The following FOCAD variants were observed in gnomAD, a reference collection of about 807,000 sequenced individuals.
FOCAD encodes the protein focadhesin.
FOCAD carries 198 observed loss-of-function variants against 225.6 expected under a neutral mutation model. That is an observed-to-expected ratio of 0.88 (90% CI 0.78 to 0.99). The LOEUF (loss-of-function observed/expected upper bound fraction) is 0.99. FOCAD is among the 50% of genes least tolerant of loss of function. The pLI is 0.00. For missense variants in FOCAD, 2,713 were observed against 2,123.6 expected (o/e 1.28, Z -5.46); for synonymous variants, 897 against 755.0 (o/e 1.19, Z -3.08).
intron 35 of FOCAD, among the ~76,000 whole-genome samples, chr9:20,971,525 C>T (rs1261427282): frequency 1.3e-5 from 2 of 151,942 alleles, no homozygotes; most frequent in Admixed American, 6.6e-5. Context: ...CCATAACCTT[C>T]ACCTCCCGGG....
chr9:20,760,047 T>C (rs745631403), intron 6 of FOCAD, among the ~76,000 whole-genome samples: 1 of 152,216 alleles, frequency 6.6e-6, no homozygotes, highest in Non-Finnish European at 1.5e-5. Flanking sequence ...AGGGCCTCAA[T>C]ATCTCTTGAT....
chr9:20,783,066 A>G (rs554704337), intron 10 of FOCAD, among the ~76,000 whole-genome samples: 1 of 152,276 alleles, frequency 6.6e-6, no homozygotes, highest in African/African-American at 2.4e-5. Flanking sequence ...CAATGATTGG[A>G]TCTTGAATGG....
intron 11 of FOCAD, among the ~76,000 whole-genome samples, chr9:20,793,370 A>G (rs768942317): frequency 1.3e-5 from 2 of 152,126 alleles, no homozygotes; most frequent in Non-Finnish European, 2.9e-5. Flanking sequence ...CTGGCATTTG[A>G]TCCCTTTTGT....
At chr9:20,818,486 A>G (rs998233523) in intron 11 of FOCAD, among the ~76,000 whole-genome samples, 1 of 152,108 alleles carries the variant, frequency 6.6e-6, no homozygotes, top group Non-Finnish European at 1.5e-5. Flanking sequence ...TAAGAGTGTT[A>G]TAGTTTTAGC....
chr9:20,705,883 T>C (rs1400323839), intron 1 of FOCAD, among the ~76,000 whole-genome samples: 1 of 150,998 alleles, frequency 6.6e-6, no homozygotes, highest in Non-Finnish European at 1.5e-5. Context: ...ACAGAATAAT[T>C]AGAGAAAATT....
intron 1 of FOCAD, among the ~76,000 whole-genome samples, chr9:20,685,298 A>G (rs1183351144): frequency 6.6e-6 from 1 of 151,608 alleles, no homozygotes; most frequent in African/African-American, 2.4e-5. Flanking sequence ...TCCAGGTTTC[A>G]GTGGCCTATC....
chr9:20,881,565 T>C (rs1288328504), intron 19 of FOCAD, among the ~76,000 whole-genome samples: 6 of 152,054 alleles, frequency 3.9e-5, no homozygotes, highest in Non-Finnish European at 8.8e-5. Flanking sequence ...AGTAGATAAA[T>C]AGCAGTGAAA....
chr9:20,931,940 T>A (rs1436836634), intron 27 of FOCAD, among the ~76,000 whole-genome samples: 1 of 149,228 alleles, frequency 6.7e-6, no homozygotes, highest in Non-Finnish European at 1.5e-5. Flanking sequence ...ATTATGAAAA[T>A]CATTTCAATT....
intron 6 of FOCAD, among the ~76,000 whole-genome samples, chr9:20,763,379 C>T (rs372213919): frequency 3.9e-5 from 6 of 152,208 alleles, no homozygotes; most frequent in African/African-American, 1.4e-4. Flanking sequence ...TTGCTTGAGC[C>T]TAGAAATTCA....
intron 4 of FOCAD, among the ~76,000 whole-genome samples, chr9:20,735,896 TC>T (rs1827120530): frequency 6.6e-6 from 1 of 151,974 alleles, no homozygotes; most frequent in African/African-American, 2.4e-5. Flanking sequence ...ATAAAATCAC[TC>T]TTTCAAAGTA....
chr9:20,794,930 A>G (rs1437303290), intron 11 of FOCAD, among the ~76,000 whole-genome samples: 1 of 152,232 alleles, frequency 6.6e-6, no homozygotes, highest in African/African-American at 2.4e-5. Context: ...TCTTACTCTC[A>G]AGAATATATT....
At chr9:20,869,711 C>T (rs1196595018) in intron 18 of FOCAD, among the ~76,000 whole-genome samples, 1 of 152,092 alleles carries the variant, frequency 6.6e-6, no homozygotes. Context: ...AGGTGATGGA[C>T]ATGTAATACT....
At chr9:20,841,849 T>C (rs1826562841) in intron 15 of FOCAD, among the ~76,000 whole-genome samples, 1 of 151,920 alleles carries the variant, frequency 6.6e-6, no homozygotes, top group Non-Finnish European at 1.5e-5. Context: ...TTAACCTGTT[T>C]ATTTGATGTT....
chr9:20,907,660 T>C (rs1436508036), intron 22 of FOCAD, among the ~76,000 whole-genome samples: 1 of 152,080 alleles, frequency 6.6e-6, no homozygotes, highest in Middle Eastern at 3.2e-3. Flanking sequence ...TCTTGTTAAA[T>C]TTCTTTGTTT....
chr9:20,828,704 G>C (rs1237476021), intron 15 of FOCAD, among the ~76,000 whole-genome samples: 3 of 152,050 alleles, frequency 2.0e-5, no homozygotes, highest in African/African-American at 7.2e-5. Flanking sequence ...CGTGTGCCAT[G>C]GTGGTTTGCT....
intron 21 of FOCAD, among the ~76,000 whole-genome samples, chr9:20,886,725 G>T (rs1043140347): frequency 2.6e-5 from 4 of 152,138 alleles, no homozygotes; most frequent in Non-Finnish European, 4.4e-5. Context: ...TGTATAGTAG[G>T]ATTTTAGACT....
Position 20,751,954 on chromosome 9 carries a change from G to T in FOCAD, c.393-6136G>T, listed in dbSNP as rs1385175101. 4.9e-5 allele frequency among the ~76,000 whole-genome samples: 7 copies of T among 143,290 alleles called. No individual in the cohort carries two copies. The East Asian group carries it at 6.1e-4, about 13-fold the overall frequency. 94.0% of individuals were successfully genotyped at this position (143,290 alleles called of 152,430 possible). ...TGTGTTTTTTGGCTGCATAAATGTT[G>T]TCTTTTGAGAAGTGTCTGTTCATGT... On this transcript the variant is annotated intron_variant, in intron 5 of 43. Coordinates refer to ENST00000338382, the MANE Select transcript of FOCAD (RefSeq NM_001375567.1).
intron 2 of FOCAD, among the ~76,000 whole-genome samples, chr9:20,663,474 A>AACACACAC (rs367867901): frequency 0.04 from 5,974 of 148,974 alleles, 252 homozygotes; most frequent in African/African-American, 0.11. Flanking sequence ...TGTGTGCATG[A>AACACACAC]ACACACACAC....
intron 1 of FOCAD, among the ~76,000 whole-genome samples, chr9:20,713,175 A>T (rs1825010850): frequency 6.6e-6 from 1 of 152,182 alleles, no homozygotes; most frequent in Non-Finnish European, 1.5e-5. Flanking sequence ...CATTTCACTC[A>T]GGATAAGTGT....
Sources: gnomAD v4.1 joint callset for allele counts (sites outside exome capture counted in the v4.1 genomes callset) on GRCh38, gnomAD v4.1.1 for gene constraint, MANE v1.5 for transcripts, NCBI Gene and HGNC (gene_info 2026-07-23, HGNC 2026-07-21) for gene names.